The following LANCL2 variants were observed in gnomAD, a reference collection of about 807,000 sequenced individuals.
LANCL2 encodes lanC-like protein 2.
LANCL2 carries 33 observed loss-of-function variants against 56.9 expected under a neutral mutation model. That is an observed-to-expected ratio of 0.58 (90% CI 0.44 to 0.78). The LOEUF (loss-of-function observed/expected upper bound fraction) is 0.78. Among genes scored for constraint, LANCL2 ranks in the 30% least tolerant of loss-of-function variants. LANCL2 has a pLI of 0.00. For synonymous variants in LANCL2, 233 were observed against 228.2 expected, an observed-to-expected ratio of 1.02 and a Z score of -0.19; for missense variants, 562 against 580.2, an observed-to-expected ratio of 0.97 and a Z score of 0.32.
At chr7:55,428,274 G>A in intron 7 of LANCL2, 101 bp from the exon 8 acceptor site, 1 of 1,016,518 alleles carries the variant, frequency 9.8e-7, no homozygotes, top group South Asian at 1.3e-5. Flanking sequence ...CTACAGCTGG[G>A]GGTCCACTTC....
Position 55,398,617 on chromosome 7 carries a change from G to GA in LANCL2, c.519dup (p.Cys174MetfsTer21). On this transcript the variant is annotated frameshift_variant, in exon 3 of 9. Coordinates refer to ENST00000254770, the MANE Select transcript of LANCL2 (RefSeq NM_018697.4). LOFTEE classifies it high-confidence loss of function. ...ACTCAGAAGTGACTGTGAGTCCCAGGAATGTGTCACAAAGTGAGTTTTAGA... is the reference window on the plus strand; with the variant it reads ...ACTCAGAAGTGACTGTGAGTCCCAGGAAATGTGTCACAAAGTGAGTTTTAGA... The GA allele has an allele frequency of 6.2e-7, 1 of 1,613,066 alleles. No homozygotes were observed. The highest frequency in any genetic ancestry group is 8.5e-7 in the Non-Finnish European group (1 of 1,179,576).
chr7:55,402,424 G>T (rs1476243382), intron 5 of LANCL2, among the ~76,000 whole-genome samples: 1 of 126,022 alleles, frequency 7.9e-6, no homozygotes. Flanking sequence ...CCGGGCGGGG[G>T]GCTGACCCCA....
At chr7:55,393,053 C>G (rs1310668295) in intron 2 of LANCL2, among the ~76,000 whole-genome samples, 1 of 152,150 alleles carries the variant, frequency 6.6e-6, no homozygotes, top group African/African-American at 2.4e-5. Flanking sequence ...ATTAACTTGC[C>G]TTAACTAATC....
chr7:55,423,119 T>C (rs1280272747), intron 6 of LANCL2, among the ~76,000 whole-genome samples: 1 of 152,220 alleles, frequency 6.6e-6, no homozygotes, highest in Admixed American at 6.5e-5. Flanking sequence ...TGTAATACAA[T>C]GTGGAGAAGA....
At position 55,366,059 on chromosome 7, in the gene LANCL2, C is replaced by A; in HGVS notation, c.34C>A (p.His12Asn). The A allele has an allele frequency of 6.6e-7, 1 of 1,523,484 alleles. No homozygotes were observed. Among genetic ancestry groups the A allele is most frequent in the Middle Eastern group, 1.7e-4 (1 of 5,802 alleles). 94.4% of individuals were successfully genotyped at this position (1,523,484 alleles called of 1,614,324 possible). A position where few individuals can be genotyped will look rare whatever the true frequency, so the allele number is the denominator to read the frequency against. ...GACCATGTCAAAGAGGCTGAAGCTC[C>A]ACCTGGGAGGGGAGGCAGAAATGGA... ...GETMSKRLKL[H>N]LGGEAEMEER... is the part of the protein sequence containing the mutation. The change falls in exon 1 of 9, where the codon CAC (histidine) becomes AAC (asparagine). Residue 12 changes from histidine (H) to asparagine (N), a missense_variant. Physicochemically the swap from His to Asn is moderately conservative, Grantham distance 68 (BLOSUM62 1). Coordinates refer to ENST00000254770, the MANE Select transcript of LANCL2 (RefSeq NM_018697.4).
At position 55,391,855 on chromosome 7, in the gene LANCL2, A is replaced by G. The variant is rs1388015498; in HGVS notation, c.267A>G (p.Glu89=). 6.2e-7 allele frequency: 1 copy of G among 1,613,260 alleles called. No homozygotes were observed. Among genetic ancestry groups the G allele is most frequent in the South Asian group, 1.1e-5 (1 of 91,070 alleles). The change falls in exon 2 of 9, where the codon GAA becomes GAG. Residue 89 remains glutamate (E), a synonymous_variant. Transcript: ENST00000254770. ...TKIKDLLQQM[E]EGLKTADPHD... ...TTAAAGATCTTCTGCAGCAAATGGA[A>G]GAAGGGCTGAAGACAGCTGATCCCC... is the stretch of plus-strand genomic sequence containing the variant.
chr7:55,366,391 TA>T (rs1003069184), intron 1 of LANCL2, among the ~76,000 whole-genome samples, 162 bp downstream of exon 1: 6 of 152,212 alleles, frequency 3.9e-5, no homozygotes. Flanking sequence ...GAGCCGCGCT[TA>T]GGGTCCGTGG....
chr7:55,367,991 A>T (rs1789894426), intron 1 of LANCL2, among the ~76,000 whole-genome samples: 1 of 152,236 alleles, frequency 6.6e-6, no homozygotes, highest in African/African-American at 2.4e-5. Flanking sequence ...TTAATAACAA[A>T]AATAAAAATC....
At chr7:55,410,547 G>T (rs1034236886) in intron 5 of LANCL2, among the ~76,000 whole-genome samples, 3 of 152,170 alleles carry the variant, frequency 2.0e-5, no homozygotes, top group African/African-American at 7.2e-5. Flanking sequence ...TTAAAGCAAT[G>T]CAATATTTTA....
intron 6 of LANCL2, among the ~76,000 whole-genome samples, chr7:55,418,284 G>A (rs1167669923): frequency 6.6e-6 from 1 of 151,350 alleles, no homozygotes; most frequent in Non-Finnish European, 1.5e-5. Context: ...CCAGGCTCAA[G>A]ATATCCTCCT....
intron 5 of LANCL2, 54 bp from the exon 6 acceptor site, chr7:55,411,853 A>G (rs769650532): frequency 6.6e-7 from 1 of 1,524,678 alleles, no homozygotes; most frequent in Non-Finnish European, 9.0e-7. Context: ...GATACAATGT[A>G]AAAGAAATAA....
At chr7:55,381,677 A>G (rs1267453296) in intron 1 of LANCL2, among the ~76,000 whole-genome samples, 1 of 152,248 alleles carries the variant, frequency 6.6e-6, no homozygotes, top group African/African-American at 2.4e-5. Context: ...GACCCCTGTA[A>G]CAAAAGACAA....
At chr7:55,413,848 C>T (rs1039290422) in intron 6 of LANCL2, among the ~76,000 whole-genome samples, 8 of 152,086 alleles carry the variant, frequency 5.3e-5, no homozygotes, top group Non-Finnish European at 7.3e-5. Flanking sequence ...ACATGAGGAA[C>T]GAGGAGGAAT....
intron 6 of LANCL2, among the ~76,000 whole-genome samples, chr7:55,416,301 T>A (rs951897515): frequency 1.3e-5 from 2 of 152,112 alleles, no homozygotes; most frequent in Non-Finnish European, 2.9e-5. Flanking sequence ...TATTATTATT[T>A]TTTGAGACAG....
chr7:55,394,629 A>G (rs1439910559), intron 2 of LANCL2, among the ~76,000 whole-genome samples: 1 of 152,206 alleles, frequency 6.6e-6, no homozygotes, highest in Non-Finnish European at 1.5e-5. Context: ...GAGACAGAAA[A>G]CACACAAGTC....
Position 55,365,911 on chromosome 7 carries a change from T to G in LANCL2, c.-115T>G. The G allele has an allele frequency of 3.8e-6, 3 of 794,760 alleles. No homozygotes were observed. Among genetic ancestry groups the G allele is most frequent in the Non-Finnish European group, 5.5e-6 (3 of 545,798 alleles). 49.2% of individuals were successfully genotyped at this position (794,760 alleles called of 1,614,324 possible). A position where few individuals can be genotyped will look rare whatever the true frequency, so the allele number is the denominator to read the frequency against. On this transcript the variant is annotated 5_prime_UTR_variant, in exon 1 of 9. Coordinates refer to ENST00000254770, the MANE Select transcript of LANCL2 (RefSeq NM_018697.4). ...CCGCTCCTCCCGCCAGCGCGCGGCC[T>G]CGCTCCTCCTAGAGGACGCTCTCTG...
chr7:55,419,937 G>C (rs976962425), intron 6 of LANCL2, among the ~76,000 whole-genome samples: 1 of 152,048 alleles, frequency 6.6e-6, no homozygotes, highest in Non-Finnish European at 1.5e-5. Flanking sequence ...AGGATAGCTT[G>C]AGGCCACAAG....
At chr7:55,401,484 A>G (rs985761134) in intron 5 of LANCL2, among the ~76,000 whole-genome samples, 164 bp downstream of exon 5, 2 of 132,128 alleles carry the variant, frequency 1.5e-5, no homozygotes, top group African/African-American at 5.7e-5. Context: ...CTAAGAGTCC[A>G]GTGAGTTCCT....
At chr7:55,390,467 G>T (rs540886509) in intron 1 of LANCL2, among the ~76,000 whole-genome samples, 10 of 152,192 alleles carry the variant, frequency 6.6e-5, no homozygotes, top group Non-Finnish European at 1.3e-4. Flanking sequence ...TTAGTCGGGT[G>T]TGGTGGCGGG....
Sources: allele counts gnomAD v4.1 joint callset (sites outside exome capture counted in the v4.1 genomes callset), GRCh38; gene constraint gnomAD v4.1.1; transcripts MANE v1.5; gene names NCBI Gene and HGNC (gene_info 2026-07-23, HGNC 2026-07-21).